Variants in KCNU1 observed in about 807,000 individuals in gnomAD.
KCNU1 encodes the protein potassium channel subfamily U member 1.
In KCNU1, 93 loss-of-function variants were observed where a neutral mutation model predicts 126.8. The observed-to-expected ratio is 0.73, with a 90% CI of 0.62 to 0.87. KCNU1 has a LOEUF of 0.87. Ranked by LOEUF, KCNU1 falls within the 40% of genes least tolerant of loss-of-function variation. The pLI is 0.00. For synonymous variants in KCNU1, 523 were observed against 494.2 expected (o/e 1.06, Z -0.77); for missense variants, 1,330 against 1,367.1 (o/e 0.97, Z 0.43).
At chr8:36,847,790 T>C (rs570440129) in intron 18 of KCNU1, among the ~76,000 whole-genome samples, 2 of 152,374 alleles carry the variant, frequency 1.3e-5, no homozygotes, top group South Asian at 4.1e-4. Context: ...GAAGTGCAGA[T>C]ATCTTTTTGA....
intron 10 of KCNU1, among the ~76,000 whole-genome samples, chr8:36,821,553 A>G (rs1804125157): frequency 6.6e-6 from 1 of 152,188 alleles, no homozygotes. Flanking sequence ...CTTTGAGCTG[A>G]TTCTATAAAG....
intron 26 of KCNU1, 22 bp downstream of exon 26, chr8:36,933,054 G>A: frequency 7.3e-7 from 1 of 1,373,732 alleles, no homozygotes; most frequent in Non-Finnish European, 1.0e-6. Flanking sequence ...AGATTGGAAA[G>A]CACCATCCAC....
intron 2 of KCNU1, among the ~76,000 whole-genome samples, chr8:36,794,787 T>C (rs1330537686): frequency 6.6e-6 from 1 of 152,018 alleles, no homozygotes; most frequent in Non-Finnish European, 1.5e-5. Context: ...TACCCAGGCA[T>C]GGTGACACAC....
chr8:36,869,827 G>A (rs1265314840), intron 19 of KCNU1, among the ~76,000 whole-genome samples: 9 of 152,168 alleles, frequency 5.9e-5, no homozygotes, highest in South Asian at 4.2e-4. Flanking sequence ...ACCCTCTGCC[G>A]TCATGTCTCT....
intron 19 of KCNU1, among the ~76,000 whole-genome samples, chr8:36,873,710 A>C (rs895297543): frequency 6.6e-6 from 1 of 152,166 alleles, no homozygotes; most frequent in African/African-American, 2.4e-5. Flanking sequence ...GGGCAGCTTT[A>C]CAAGTTGGCA....
At chr8:36,875,465 CAT>C (rs1806248329) in intron 19 of KCNU1, among the ~76,000 whole-genome samples, 1 of 149,910 alleles carries the variant, frequency 6.7e-6, no homozygotes, top group Non-Finnish European at 1.5e-5. Flanking sequence ...CACACACACA[CAT>C]TACAGATATA....
At chr8:36,932,751 C>T (rs1173853753) in intron 25 of KCNU1, among the ~76,000 whole-genome samples, 169 bp from the exon 26 acceptor site, 1 of 152,078 alleles carries the variant, frequency 6.6e-6, no homozygotes, top group African/African-American at 2.4e-5. Flanking sequence ...AGTTTCAGAA[C>T]TAATCATACT....
At chr8:36,812,304 CA>C (rs1393924907) in intron 7 of KCNU1, among the ~76,000 whole-genome samples, 5 of 149,696 alleles carry the variant, frequency 3.3e-5, no homozygotes, top group African/African-American at 1.2e-4. Context: ...TGCTTGAGCC[CA>C]GGAGGTGGAG....
intron 19 of KCNU1, among the ~76,000 whole-genome samples, chr8:36,890,915 A>T (rs1806937925): frequency 2.0e-5 from 3 of 150,464 alleles, no homozygotes; most frequent in Admixed American, 2.0e-4. Flanking sequence ...GTTATTTTCC[A>T]TCCTTTTACT....
At chr8:36,818,422 A>G (rs1429796276) in intron 10 of KCNU1, among the ~76,000 whole-genome samples, 3 of 151,854 alleles carry the variant, frequency 2.0e-5, no homozygotes, top group African/African-American at 7.3e-5. Context: ...TTTTCTACTC[A>G]ATATATGTTG....
chr8:36,907,379 C>G (rs950135260), intron 20 of KCNU1, among the ~76,000 whole-genome samples: 1 of 152,108 alleles, frequency 6.6e-6, no homozygotes, highest in African/African-American at 2.4e-5. Context: ...TGCACTTGGC[C>G]ATGTATCTTG....
At chr8:36,898,066 C>T (rs1241873569) in intron 19 of KCNU1, among the ~76,000 whole-genome samples, 1 of 152,028 alleles carries the variant, frequency 6.6e-6, no homozygotes, top group Non-Finnish European at 1.5e-5. Flanking sequence ...TTGTGGTCCT[C>T]AATGCATCAT....
chr8:36,920,720 G>C (rs1182419064), intron 23 of KCNU1, among the ~76,000 whole-genome samples: 6 of 152,216 alleles, frequency 3.9e-5, no homozygotes, highest in Non-Finnish European at 8.8e-5. Context: ...TTGTGTGTGT[G>C]TGTGCGTGCG....
Position 36,833,622 on chromosome 8 carries a change from G to T in KCNU1, c.1175G>T (p.Gly392Val). ...TTGGCCTACACAACGTTCATTTCTG[G>T]ATCTGCAATGAAGTGGGAGGATCTG... Reference protein sequence around the residue: ...CYLAYTTFISGSAMKWEDLRR... With the variant: ...CYLAYTTFISVSAMKWEDLRR... Residue 392 changes from glycine to valine, a missense_variant, in exon 11 of 27, where the codon GGA (glycine) becomes GTA (valine). Gly to Val is a moderately radical substitution (Grantham distance 109). Around this residue, in one of 3 missense-constraint regions of KCNU1, gnomAD observed 1,054 missense variants for 1,053.9 expected, o/e 1.00. Transcript: ENST00000399881. 3 of 1,611,916 alleles carry T rather than the reference G, an allele frequency of 1.9e-6. No individual in the cohort carries two copies. The highest frequency in any genetic ancestry group is 2.5e-6 in the Non-Finnish European group (3 of 1,178,396).
In KCNU1 at chr8:36,935,611, T is replaced by G; in HGVS notation, c.3141T>G (p.Asn1047Lys). ...IPFSTACYKR[N>K]EEFSLQKSYE... is the part of the protein sequence containing the mutation. ...TCAGCACTGCTTGTTATAAAAGGAA[T>G]GAAGAGTTCTCATTGCAAAAGTCAT... Residue 1047 changes from asparagine to lysine, a missense_variant, in exon 27 of 27, where the codon AAT becomes AAG. By Grantham distance (94) the Asn-to-Lys change is moderately conservative. Around this residue, in one of 3 missense-constraint regions of KCNU1, gnomAD observed 1,054 missense variants for 1,053.9 expected, o/e 1.00. Transcript: ENST00000399881. 7.4e-6 allele frequency: 12 copies of G among 1,613,308 alleles called. No homozygotes were observed. The highest frequency in any genetic ancestry group is 1.0e-5 in the Non-Finnish European group (12 of 1,179,442).
intron 19 of KCNU1, among the ~76,000 whole-genome samples, chr8:36,880,161 C>T (rs1247236748): frequency 1.3e-5 from 2 of 152,198 alleles, no homozygotes; most frequent in East Asian, 3.9e-4. Context: ...TATTTCTCTG[C>T]TGACTTGTTT....
In KCNU1 at chr8:36,864,511, TTCAC is replaced by T; in HGVS notation, c.2000_2003del (p.Phe667SerfsTer9). 1 of 1,602,338 alleles carries T rather than the reference TTCAC, an allele frequency of 6.2e-7. No individual in the cohort carries two copies. Among genetic ancestry groups the T allele is most frequent in the Non-Finnish European group, 8.6e-7 (1 of 1,169,464 alleles). ...TGCAAGCACTTCGAGCATATCAAAC[TTCAC>T]CACCAGGTAAAAGCTGCAGAGAACC... On this transcript the variant is annotated frameshift_variant, in exon 19 of 27. Transcript: ENST00000399881. LOFTEE classifies it high-confidence loss of function.
chr8:36,873,620 C>T (rs914544255), intron 19 of KCNU1, among the ~76,000 whole-genome samples: 17 of 152,162 alleles, frequency 1.1e-4, no homozygotes, highest in Admixed American at 2.6e-4. Flanking sequence ...TCTCCTTGAA[C>T]GCCCTTTTCT....
At chr8:36,830,844 GT>G (rs1304797595) in intron 10 of KCNU1, among the ~76,000 whole-genome samples, 2 of 151,358 alleles carry the variant, frequency 1.3e-5, no homozygotes, top group Non-Finnish European at 2.9e-5. Flanking sequence ...TGCCATGCTG[GT>G]GCGCTGCACC....
Sources: allele counts gnomAD v4.1 joint callset (sites outside exome capture counted in the v4.1 genomes callset), GRCh38; gene constraint gnomAD v4.1.1; regional missense constraint gnomAD v4.1.1; transcripts MANE v1.5; gene names NCBI Gene and HGNC (gene_info 2026-07-23, HGNC 2026-07-21).